Variants in GPR183 observed in about 807,000 individuals in gnomAD.
The protein encoded by GPR183 is EBV-induced G-protein coupled receptor 2.
GPR183 carries 9 observed loss-of-function variants against 19.7 expected under a neutral mutation model. The ratio of observed to expected loss-of-function variants is 0.46; its 90% CI spans 0.28 to 0.80. The LOEUF (loss-of-function observed/expected upper bound fraction) is 0.80. Ranked by LOEUF, GPR183 falls within the 30% of genes least tolerant of loss-of-function variation. The pLI is 0.13. For missense variants in GPR183, 368 were observed against 446.7 expected (o/e 0.82, Z 1.59); for synonymous variants, 160 against 155.1 (o/e 1.03, Z -0.24).
At chr13:99,296,943 C>T (rs374460117) in intron 1 of GPR183, among the ~76,000 whole-genome samples, 3 of 152,258 alleles carry the variant, frequency 2.0e-5, no homozygotes, top group East Asian at 3.9e-4. Context: ...CACATAGTAG[C>T]AAGCATCACA....
Position 99,294,807 on chromosome 13 carries a change from A to G in GPR183, c.*253T>C, listed in dbSNP as rs2044143131. On this transcript the variant is annotated 3_prime_UTR_variant, in exon 2 of 2. Transcript: ENST00000376414. ...AAAACTTTTTACATTGGGAGTTATT[A>G]AGAGCGCCTCCTTTTGGTGTATTCG... is the stretch of plus-strand genomic sequence containing the variant. The G allele has an allele frequency of 3.1e-6, 1 of 322,098 alleles. No individual in the cohort carries two copies. Among genetic ancestry groups the G allele is most frequent in the Non-Finnish European group, 5.6e-6 (1 of 177,168 alleles). The allele number at this position is 322,098 out of a possible 1,614,324, so 20.0% of individuals were successfully genotyped here.
rs1405185805 is a variant in GPR183, at chr13:99,295,043, C to G, written c.*17G>C. The G allele has an allele frequency of 3.7e-6, 6 of 1,606,408 alleles. No homozygotes were observed. The highest frequency in any genetic ancestry group is 4.3e-6 in the Non-Finnish European group (5 of 1,176,172). On this transcript the variant is annotated 3_prime_UTR_variant, in exon 2 of 2. Coordinates refer to ENST00000376414, the MANE Select transcript of GPR183 (RefSeq NM_004951.5). The surrounding 1 kb of genome is among the most constrained non-coding windows in gnomAD (Gnocchi z 4.1). ...GTCATACAGTTTACGTCACTATAAA[C>G]CAAAATACAATCCATTTCACTTTCC...
intron 1 of GPR183, among the ~76,000 whole-genome samples, chr13:99,304,670 C>G (rs1252980025): frequency 1.3e-5 from 2 of 152,176 alleles, no homozygotes; most frequent in Non-Finnish European, 2.9e-5. Context: ...CCTGGGCACT[C>G]TATGTGTGTT....
At chr13:99,299,148 G>A (rs556478985) in intron 1 of GPR183, among the ~76,000 whole-genome samples, 30 of 152,276 alleles carry the variant, frequency 2.0e-4, no homozygotes, top group East Asian at 3.9e-4. Context: ...ATACAAATGC[G>A]TGTCTGACTG....
At chr13:99,299,541 C>T (rs185961660) in intron 1 of GPR183, among the ~76,000 whole-genome samples, 1 of 152,138 alleles carries the variant, frequency 6.6e-6, no homozygotes, top group African/African-American at 2.4e-5. Flanking sequence ...CTCATATATT[C>T]TAGATTTTTA....
intron 1 of GPR183, among the ~76,000 whole-genome samples, chr13:99,304,020 AG>A (rs2044294490): frequency 6.6e-6 from 1 of 152,162 alleles, no homozygotes; most frequent in Admixed American, 6.5e-5. Flanking sequence ...TTCTGCCCGC[AG>A]CCACGGCAGC....
intron 1 of GPR183, among the ~76,000 whole-genome samples, chr13:99,305,288 TCA>T (rs751739612): frequency 6.7e-5 from 7 of 104,216 alleles, no homozygotes; most frequent in South Asian, 2.6e-4. Context: ...CAGAGGATTC[TCA>T]CATGTGTTAT....
intron 1 of GPR183, among the ~76,000 whole-genome samples, chr13:99,297,323 G>A (rs920255811): frequency 6.6e-6 from 1 of 152,048 alleles, no homozygotes; most frequent in Non-Finnish European, 1.5e-5. Context: ...AATCTCACCT[G>A]GAAGTCACCA....
chr13:99,304,529 A>G lies in GPR183; in HGVS notation c.-19+2811T>C, dbSNP rs77667628. On this transcript the variant is annotated intron_variant, in intron 1 of 1. Coordinates refer to ENST00000376414, the MANE Select transcript of GPR183 (RefSeq NM_004951.5). ...TATGATCGATATTCAATAAATACCCATTAGTTAAAGAATAGCAACATTGCA... is the reference window on the plus strand; with the variant it reads ...TATGATCGATATTCAATAAATACCCGTTAGTTAAAGAATAGCAACATTGCA... 2.8e-3 allele frequency among the ~76,000 whole-genome samples: 425 copies of G among 152,300 alleles called. 9 individuals are homozygous for G. In the East Asian group the frequency reaches 0.072, roughly 26 times the overall value.
chr13:99,295,028 T>C lies in GPR183; in HGVS notation c.*32A>G. ...AGTCCTGCAAAGTTTGTCATACAGT[T>C]TACGTCACTATAAACCAAAATACAA... On this transcript the variant is annotated 3_prime_UTR_variant, in exon 2 of 2. Transcript: ENST00000376414. This position sits in a 1 kb window ranked among gnomAD's most constrained non-coding sequence, Gnocchi z 4.1. 2 of 1,590,672 alleles carry C rather than the reference T, an allele frequency of 1.3e-6. No individual in the cohort carries two copies. The highest frequency in any genetic ancestry group is 1.7e-6 in the Non-Finnish European group (2 of 1,168,614).
Position 99,295,329 on chromosome 13 carries a change from G to A in GPR183, c.817C>T (p.Arg273Cys), listed in dbSNP as rs1455419520. Residue 273 changes from arginine (R) to cysteine (C), a missense_variant, in exon 2 of 2, where the codon CGT becomes TGT. Coordinates refer to ENST00000376414, the MANE Select transcript of GPR183 (RefSeq NM_004951.5). The surrounding 1 kb of genome is among the most constrained non-coding windows in gnomAD (Gnocchi z 4.1). The stretch of plus-strand genomic sequence containing the variant: ...CTACATTCCAGGAAATTAGAGAAAC[G>A]AAGCTTCTTAATCATATGTTGAATA... Reference protein sequence around the residue: ...AIIQHMIKKLRFSNFLECSQR... With the variant: ...AIIQHMIKKLCFSNFLECSQR... 6.2e-6 allele frequency: 10 copies of A among 1,613,972 alleles called. No homozygotes were observed. Among genetic ancestry groups the A allele is most frequent in the Non-Finnish European group, 5.9e-6 (7 of 1,180,018 alleles).
At chr13:99,303,927 A>G (rs189619104) in intron 1 of GPR183, among the ~76,000 whole-genome samples, 1 of 152,312 alleles carries the variant, frequency 6.6e-6, no homozygotes, top group Admixed American at 6.5e-5. Flanking sequence ...GCCTCTGGTC[A>G]GCGAGCAGTC....
At chr13:99,302,070 G>A (rs531176040) in intron 1 of GPR183, among the ~76,000 whole-genome samples, 1 of 152,274 alleles carries the variant, frequency 6.6e-6, no homozygotes, top group East Asian at 1.9e-4. Context: ...TCTAGAGTCA[G>A]CTTATACAGA....
At chr13:99,299,095 A>G (rs1011171380) in intron 1 of GPR183, among the ~76,000 whole-genome samples, 3 of 152,206 alleles carry the variant, frequency 2.0e-5, no homozygotes, top group Admixed American at 6.5e-5. Context: ...TAGGAAAGTA[A>G]CACTTATGTG....
intron 1 of GPR183, among the ~76,000 whole-genome samples, chr13:99,305,981 C>T (rs1212029816): frequency 1.3e-5 from 2 of 152,084 alleles, no homozygotes; most frequent in African/African-American, 4.8e-5. Flanking sequence ...CTGCAACCTC[C>T]GCCTCCCAGG....
intron 1 of GPR183, among the ~76,000 whole-genome samples, chr13:99,301,963 TTC>T (rs1433572819): frequency 6.6e-6 from 1 of 152,210 alleles, no homozygotes; most frequent in Non-Finnish European, 1.5e-5. Context: ...TACCTAGGAA[TTC>T]TGTTTAATTG....
At chr13:99,298,708 T>C (rs1418063566) in intron 1 of GPR183, among the ~76,000 whole-genome samples, 2 of 152,172 alleles carry the variant, frequency 1.3e-5, no homozygotes, top group African/African-American at 4.8e-5. Context: ...GAGTGGTTCT[T>C]AAATAGAAAA....
chr13:99,297,020 G>A (rs749600903), intron 1 of GPR183, among the ~76,000 whole-genome samples: 17 of 152,150 alleles, frequency 1.1e-4, no homozygotes, highest in Admixed American at 7.2e-4. Flanking sequence ...TATATTTGTC[G>A]TGTATATTTT....
intron 1 of GPR183, among the ~76,000 whole-genome samples, chr13:99,303,481 A>G (rs2044285704): frequency 6.6e-6 from 1 of 152,230 alleles, no homozygotes; most frequent in African/African-American, 2.4e-5. Context: ...TATATTGAAA[A>G]GTATGGAAGT....
Sources: gnomAD v4.1 joint callset for allele counts (sites outside exome capture counted in the v4.1 genomes callset) on GRCh38, gnomAD v4.1.1 for gene constraint, Gnocchi (gnomAD v3.1) non-coding constraint, MANE v1.5 for transcripts, NCBI Gene and HGNC (gene_info 2026-07-23, HGNC 2026-07-21) for gene names.